RAPGEFL1: variants seen among roughly 807,000 people sequenced by gnomAD.
The protein encoded by RAPGEFL1 is Rap guanine nucleotide exchange factor like 1.
RAPGEFL1 carries 31 observed loss-of-function variants against 64.4 expected under a neutral mutation model. The ratio of observed to expected loss-of-function variants is 0.48; its 90% CI spans 0.36 to 0.65. RAPGEFL1 has a LOEUF of 0.65. Ranked by LOEUF, RAPGEFL1 falls within the 30% of genes least tolerant of loss-of-function variation. RAPGEFL1 has a pLI of 0.00. For synonymous variants in RAPGEFL1, 331 were observed against 274.1 expected (o/e 1.21, Z -2.05); for missense variants, 682 against 677.4 (o/e 1.01, Z -0.08).
chr17:40,193,551 G>A (rs1360290105), intron 14 of RAPGEFL1, 113 bp from the exon 15 acceptor site: 1 of 1,585,854 alleles, frequency 6.3e-7, no homozygotes, highest in Non-Finnish European at 8.7e-7. Flanking sequence ...CCTCTGCAGA[G>A]GCCTTCCTGC....
chr17:40,180,417 T>C (rs1312382410), intron 1 of RAPGEFL1, among the ~76,000 whole-genome samples: 1 of 152,106 alleles, frequency 6.6e-6, no homozygotes, highest in Non-Finnish European at 1.5e-5. Flanking sequence ...GAGAATCAGC[T>C]TAACCTGCCA....
At position 40,178,174 on chromosome 17, in the gene RAPGEFL1, C is replaced by T; in HGVS notation, c.313C>T (p.Leu105=). 1 of 552,916 alleles carries T rather than the reference C, an allele frequency of 1.8e-6. No homozygotes were observed. The highest frequency in any genetic ancestry group is 3.2e-6 in the Non-Finnish European group (1 of 310,832). 34.3% of individuals were successfully genotyped at this position (552,916 alleles called of 1,614,324 possible). A position where few individuals can be genotyped will look rare whatever the true frequency, so the allele number is the denominator to read the frequency against. ...CAGCGGGGGGCCCTGCTGGCTGCAG[C>T]TGGAGGAGGTGCCGGGGCCCGGGCC... ...PGSGGPCWLQ[L]EEVPGPGPLG... is the part of the protein sequence containing the mutation. The change falls in exon 1 of 15, where the codon CTG becomes TTG. Residue 105 remains leucine (L), a synonymous_variant. Coordinates refer to ENST00000620260, the MANE Select transcript of RAPGEFL1 (RefSeq NM_016339.6).
chr17:40,181,889 C>T (rs1437878758), intron 2 of RAPGEFL1, among the ~76,000 whole-genome samples, 195 bp downstream of exon 2: 1 of 152,054 alleles, frequency 6.6e-6, no homozygotes, highest in Non-Finnish European at 1.5e-5. Context: ...CAAGACCAGC[C>T]AGGCTAACAT....
chr17:40,187,107 CTGACTA>C (rs1427889684), intron 4 of RAPGEFL1, among the ~76,000 whole-genome samples: 1 of 151,896 alleles, frequency 6.6e-6, no homozygotes, highest in Non-Finnish European at 1.5e-5. Context: ...CACACCTGGC[CTGACTA>C]TAAGTTTATA....
chr17:40,181,437 G>T, intron 1 of RAPGEFL1, 179 bp from the exon 2 acceptor site: 5 of 659,696 alleles, frequency 7.6e-6, no homozygotes, highest in Non-Finnish European at 1.4e-5. Context: ...CGCAGTGGCT[G>T]CCCAGAACCT....
In RAPGEFL1 at chr17:40,191,793, C is replaced by T. The variant is rs779509349; in HGVS notation, c.1605+121C>T. On this transcript the variant is annotated intron_variant, in intron 10 of 14. Transcript: ENST00000620260. This position sits in a 1 kb window ranked among gnomAD's most constrained non-coding sequence, Gnocchi z 5.1. ...TTTGCGCCAGTTGGAGGGAGGCGCC[C>T]TCTTCTGGCATACGCAACCCCAGGG... 24 of 991,748 alleles carry T rather than the reference C, an allele frequency of 2.4e-5. No individual in the cohort carries two copies. Among genetic ancestry groups the T allele is most frequent in the African/African-American group, 6.5e-5 (4 of 61,674 alleles). The allele number at this position is 991,748 out of a possible 1,614,324, so 61.4% of individuals were successfully genotyped here.
chr17:40,193,310 G>C lies in RAPGEFL1; in HGVS notation c.1810-53G>C, dbSNP rs200439930. On this transcript the variant is annotated intron_variant, in intron 13 of 14. Transcript: ENST00000620260. ...AGAATGGCGGAGGGGGAGCATAAGAGGGGGAGCCTCTTTCTGTGCCCCTTT... is the reference window on the plus strand; with the variant it reads ...AGAATGGCGGAGGGGGAGCATAAGACGGGGAGCCTCTTTCTGTGCCCCTTT... 84 of 1,578,848 alleles carry C rather than the reference G, an allele frequency of 5.3e-5. 1 individual carries two copies. The South Asian group carries it at 6.0e-4, about 11-fold the overall frequency.
At position 40,184,596 on chromosome 17, in the gene RAPGEFL1, A is replaced by T; in HGVS notation, c.751A>T (p.Ile251Phe). 1 of 1,559,040 alleles carries T rather than the reference A, an allele frequency of 6.4e-7. No homozygotes were observed. The change falls in exon 4 of 15, where the codon ATT becomes TTT. Residue 251 changes from isoleucine (I) to phenylalanine (F), a missense_variant. By Grantham distance (21) the Ile-to-Phe change is conservative. Transcript: ENST00000620260. Reference protein sequence around the residue: ...GHIIKDLYLLIMKDESLYQGL... With the variant: ...GHIIKDLYLLFMKDESLYQGL... ...CTCTCTCCAGGATCTATACCTGCTA[A>T]TTATGAAGGACGAGTCCCTTTACCA... is the stretch of plus-strand genomic sequence containing the variant.
At chr17:40,180,213 G>GTTT (rs2145200680) in intron 1 of RAPGEFL1, among the ~76,000 whole-genome samples, 1 of 152,262 alleles carries the variant, frequency 6.6e-6, no homozygotes, top group East Asian at 1.9e-4. Flanking sequence ...CTGACTCATT[G>GTTT]TAAGAACACA....
rs565490725 is a variant in RAPGEFL1 at position 40,187,612 on chromosome 17, T to G, written c.834-1254T>G. Reference sequence around the variant, plus strand: ...ACCCCAGAATGCCCTCCTCCCACCATGTTTTCTTTTTTTTTTGAGACAGAG... The same window carrying G: ...ACCCCAGAATGCCCTCCTCCCACCAGGTTTTCTTTTTTTTTTGAGACAGAG... On this transcript the variant is annotated intron_variant, in intron 4 of 14. Coordinates refer to ENST00000620260, the MANE Select transcript of RAPGEFL1 (RefSeq NM_016339.6). Among the ~76,000 whole-genome samples, 10 of 151,228 alleles carry G rather than the reference T, an allele frequency of 6.6e-5. No homozygotes were observed. In the South Asian group the frequency reaches 1.5e-3, roughly 22 times the overall value.
rs1990414264 is a variant in RAPGEFL1, at chr17:40,195,033, T to G, written c.*1245T>G. ...GAGGTTTCCTGGCACAGACTCACCC[T>G]TCTTTCTGGCACCACCTCTTTCCCT... is the stretch of plus-strand genomic sequence containing the variant. On this transcript the variant is annotated 3_prime_UTR_variant, in exon 15 of 15. Coordinates refer to ENST00000620260, the MANE Select transcript of RAPGEFL1 (RefSeq NM_016339.6). 6.6e-6 allele frequency: 1 copy of G among 152,656 alleles called. No homozygotes were observed. The allele number at this position is 152,656 out of a possible 1,614,324, so 9.5% of individuals were successfully genotyped here. A position where few individuals can be genotyped will look rare whatever the true frequency, so the allele number is the denominator to read the frequency against.
In RAPGEFL1 at chr17:40,177,911, G is replaced by A; in HGVS notation, c.50G>A (p.Gly17Asp). ...FLKKQTSQLAGRTVAGGPGGG... is the reference protein window; with the variant it reads ...FLKKQTSQLADRTVAGGPGGG... ...AAGAAGCAGACGTCGCAGCTGGCGG[G>A]CCGAACGGTGGCGGGAGGTCCCGGC... The change falls in exon 1 of 15, where the codon GGC becomes GAC. Residue 17 changes from glycine (G) to aspartate (D), a missense_variant. Physicochemically the swap from Gly to Asp is moderately conservative, Grantham distance 94. Transcript: ENST00000620260. 2.4e-6 allele frequency: 1 copy of A among 423,834 alleles called. No homozygotes were observed. The highest frequency in any genetic ancestry group is 4.2e-6 in the Non-Finnish European group (1 of 238,800). The allele number at this position is 423,834 out of a possible 1,614,324, so 26.3% of individuals were successfully genotyped here.
chr17:40,178,040 C>G lies in RAPGEFL1; in HGVS notation c.179C>G (p.Ser60Cys). 3 of 588,386 alleles carry G rather than the reference C, an allele frequency of 5.1e-6. 1 individual carries two copies. The South Asian group carries it at 5.9e-5, about 12-fold the overall frequency. 36.4% of individuals were successfully genotyped at this position (588,386 alleles called of 1,614,324 possible). ...TCGTTGCAGCGGCGTCAGAGCGTGT[C>G]TCGCCTGCTGCTCCCCGCTTTCCTC... The part of the protein sequence containing the change: ...QRSLQRRQSV[S>C]RLLLPAFLRE... Residue 60 changes from serine to cysteine, a missense_variant, in exon 1 of 15, where the codon TCT becomes TGT. By Grantham distance (112) the Ser-to-Cys change is moderately radical. Transcript: ENST00000620260.
intron 4 of RAPGEFL1, among the ~76,000 whole-genome samples, chr17:40,187,513 TCTC>T: frequency 6.6e-6 from 1 of 152,142 alleles, no homozygotes; most frequent in Non-Finnish European, 1.5e-5. Context: ...TCCCATCTCA[TCTC>T]CTACATCCCC....
At chr17:40,189,027 G>T (rs1388532589) in intron 5 of RAPGEFL1, 49 bp downstream of exon 5, 6 of 1,535,414 alleles carry the variant, frequency 3.9e-6, no homozygotes, top group Non-Finnish European at 4.5e-6. Context: ...GGCTCAGGGG[G>T]ACATATCTCT....
At chr17:40,193,537 C>T in intron 14 of RAPGEFL1, 120 bp downstream of exon 14, 3 of 1,575,586 alleles carry the variant, frequency 1.9e-6, no homozygotes, top group East Asian at 2.2e-5. Context: ...CCATTCTCTC[C>T]TTGCCTCTGC....
At chr17:40,192,717 T>C in intron 12 of RAPGEFL1, 24 bp downstream of exon 12, 1 of 1,595,188 alleles carries the variant, frequency 6.3e-7, no homozygotes, top group Non-Finnish European at 8.6e-7. Flanking sequence ...TCCCAAGCTG[T>C]GCCGCTTCCA....
At position 40,179,775 on chromosome 17, in the gene RAPGEFL1, C is replaced by T. The variant is rs1287468128; in HGVS notation, c.520+1394C>T. On this transcript the variant is annotated intron_variant, in intron 1 of 14. Coordinates refer to ENST00000620260, the MANE Select transcript of RAPGEFL1 (RefSeq NM_016339.6). ...TGGTGAGGGCTTTCACACTTGCTCT[C>T]AGCCCTCGGCAGGGAACCCCAACCT... 4.6e-5 allele frequency among the ~76,000 whole-genome samples: 7 copies of T among 152,294 alleles called. No individual in the cohort carries two copies. In the East Asian group the frequency reaches 1.4e-3, roughly 29 times the overall value.
Position 40,193,411 on chromosome 17 carries a change from C to A in RAPGEFL1, c.1858C>A (p.Pro620Thr), listed in dbSNP as rs756489950. 1.2e-6 allele frequency: 2 copies of A among 1,614,086 alleles called. No individual in the cohort carries two copies. Among genetic ancestry groups the A allele is most frequent in the African/African-American group, 2.7e-5 (2 of 74,936 alleles). ...VRTIRKYRSRPLCLDMEASPN... is the reference protein window; with the variant it reads ...VRTIRKYRSRTLCLDMEASPN... ...GACAATCCGCAAATACCGGAGCCGG[C>A]CCCTTTGTGAGTACCCAGGGTACTG... Residue 620 changes from proline (P) to threonine (T), a missense_variant, in exon 14 of 15, where the codon CCC (proline) becomes ACC (threonine). By Grantham distance (38) the Pro-to-Thr change is conservative. Around this residue, in one of 2 missense-constraint regions of RAPGEFL1, gnomAD observed 411 missense variants for 519.4 expected, o/e 0.79. Transcript: ENST00000620260.
Sources: allele counts gnomAD v4.1 joint callset (sites outside exome capture counted in the v4.1 genomes callset), GRCh38; gene constraint gnomAD v4.1.1; regional missense constraint gnomAD v4.1.1; non-coding constraint Gnocchi (gnomAD v3.1); transcripts MANE v1.5; gene names NCBI Gene and HGNC (gene_info 2026-07-23, HGNC 2026-07-21).